LRRC43: variants seen among roughly 807,000 people sequenced by gnomAD.
LRRC43 encodes the protein leucine rich repeat containing 43, also known as leucine-rich repeat-containing protein 43.
Under a neutral mutation model 64.3 loss-of-function variants are expected in LRRC43, and 62 were observed. The observed-to-expected ratio is 0.96, with a 90% CI of 0.79 to 1.19. LRRC43 has a LOEUF of 1.19. Among genes scored for constraint, LRRC43 ranks in the 50% most tolerant of loss-of-function variants. LRRC43 has a pLI of 0.00. For synonymous variants in LRRC43, 422 were observed against 382.3 expected (o/e 1.10, Z -1.21); for missense variants, 868 against 845.0 (o/e 1.03, Z -0.34).
chr12:122,186,146 T>C, intron 2 of LRRC43, 44 bp from the exon 3 acceptor site: 1 of 1,110,090 alleles, frequency 9.0e-7, no homozygotes, highest in South Asian at 1.3e-5. Context: ...GTGCCCGTGC[T>C]CCCTCTCCTG....
chr12:122,186,310 C>T lies in LRRC43; in HGVS notation c.522+10C>T. 1 of 1,555,974 alleles carries T rather than the reference C, an allele frequency of 6.4e-7. No homozygotes were observed. On this transcript the variant is annotated intron_variant, in intron 3 of 11. Transcript: ENST00000339777. The stretch of plus-strand genomic sequence containing the variant: ...GCCCCCCACACTCAAGGTGAAGGAG[C>T]CCCGGTCTGTGTTGAGTATTTGGGC...
rs371459205 is a variant in LRRC43 at position 122,169,001 on chromosome 12, TCA to T, written c.-406+1222_-406+1223del. ...GGACTGGGATGGTGGTTTTGGAAGA[TCA>T]CAGAGAAGTGAGGGAGGTACCTTCT... is the stretch of plus-strand genomic sequence containing the variant. On this transcript the variant is annotated intron_variant, in intron 1 of 5. Coordinates refer to the LRRC43 transcript ENST00000537729. 4.6e-4 allele frequency among the ~76,000 whole-genome samples: 70 copies of T among 152,284 alleles called. No homozygotes were observed. In the East Asian group the frequency reaches 0.013, roughly 29 times the overall value.
chr12:122,183,888 C>CT lies in LRRC43; in HGVS notation c.150+595dup, dbSNP rs575734652. Among the ~76,000 whole-genome samples, 348 of 151,904 alleles carry CT rather than the reference C, an allele frequency of 2.3e-3. 3 individuals are homozygous for CT. The highest frequency in any genetic ancestry group is 7.9e-3 in the African/African-American group (328 of 41,420). On this transcript the variant is annotated intron_variant, in intron 1 of 11. Transcript: ENST00000339777. ...CCCAAGTAGCAGGGATTACAGGCAC[C>CT]TGCCACCATGCCCGGCTAATTATTG...
intron 1 of LRRC43, among the ~76,000 whole-genome samples, chr12:122,183,898 G>A (rs1953610478): frequency 6.6e-6 from 1 of 152,040 alleles, no homozygotes; most frequent in Non-Finnish European, 1.5e-5. Context: ...CTGCCACCAT[G>A]CCCGGCTAAT....
chr12:122,195,399 C>T (rs1278488796), intron 7 of LRRC43, among the ~76,000 whole-genome samples: 1 of 152,062 alleles, frequency 6.6e-6, no homozygotes, highest in Non-Finnish European at 1.5e-5. Context: ...CAGGCACCTA[C>T]TACCATGCCC....
At chr12:122,185,686 CAGA>C (rs1953635389) in intron 2 of LRRC43, among the ~76,000 whole-genome samples, 1 of 152,196 alleles carries the variant, frequency 6.6e-6, no homozygotes, top group Non-Finnish European at 1.5e-5. Context: ...AGTTTCAGTG[CAGA>C]AGGTTTCGTG....
intron 1 of LRRC43, among the ~76,000 whole-genome samples, chr12:122,168,402 T>C (rs1382114760): frequency 6.6e-6 from 1 of 151,298 alleles, no homozygotes; most frequent in African/African-American, 2.4e-5. Flanking sequence ...GATTGCATCA[T>C]TGCACTCTAA....
chr12:122,169,165 C>T (rs1400794305), intron 1 of LRRC43, among the ~76,000 whole-genome samples: 1 of 152,178 alleles, frequency 6.6e-6, no homozygotes, highest in Non-Finnish European at 1.5e-5. Context: ...CACCAAGTCC[C>T]ACCCGCCTTC....
rs1455241719 is a variant in LRRC43 at position 122,173,748 on chromosome 12, GC to G, written c.-406+5969del. On this transcript the variant is annotated intron_variant, in intron 1 of 5. Coordinates refer to the LRRC43 transcript ENST00000537729. Reference sequence around the variant, plus strand: ...CCCATCCCTTCCTGGCATAGCTACAGCCCTGGTTTCAGGTCCGGAGAGAGGA... The same window carrying G: ...CCCATCCCTTCCTGGCATAGCTACAGCCTGGTTTCAGGTCCGGAGAGAGGA... The G allele has an allele frequency of 7.5e-6, 8 of 1,070,282 alleles. No individual in the cohort carries two copies. In the African/African-American group the frequency reaches 1.3e-4, roughly 17 times the overall value. The allele number at this position is 1,070,282 out of a possible 1,614,324, so 66.3% of individuals were successfully genotyped here.
intron 1 of LRRC43, chr12:122,172,779 A>G: frequency 1.3e-6 from 2 of 1,499,190 alleles, no homozygotes; most frequent in African/African-American, 2.8e-5. Flanking sequence ...TTGGGTTTGC[A>G]ATGACAGCTG....
At chr12:122,191,352 C>T (rs1400956929) in intron 5 of LRRC43, 28 bp from the exon 6 acceptor site, 10 of 1,586,474 alleles carry the variant, frequency 6.3e-6, no homozygotes, top group Non-Finnish European at 8.6e-6. Context: ...TCCATGGGCC[C>T]CCCTGTCCTG....
In LRRC43 at chr12:122,200,484, CAGCCCGCCTG is replaced by C. The variant is rs1260788484; in HGVS notation, c.1492-47_1492-38del. The C allele has an allele frequency of 6.2e-7, 1 of 1,613,340 alleles. No homozygotes were observed. The highest frequency in any genetic ancestry group is 1.7e-5 in the Admixed American group (1 of 60,020). On this transcript the variant is annotated intron_variant, in intron 8 of 11. Coordinates refer to ENST00000339777, the MANE Select transcript of LRRC43 (RefSeq NM_001098519.2). This position sits in a 1 kb window ranked among gnomAD's most constrained non-coding sequence, Gnocchi z 4.6. ...AGGGTGAGGGAGAGGTGACCCCAGGCAGCCCGCCTGGGCCTCTGCTCACTCGAGGATTCTC... is the reference window on the plus strand; with the variant it reads ...AGGGTGAGGGAGAGGTGACCCCAGGCGGCCTCTGCTCACTCGAGGATTCTC...
In LRRC43 at chr12:122,200,260, C is replaced by G. The variant is rs1953820029; in HGVS notation, c.1421C>G (p.Ser474Cys). The G allele has an allele frequency of 1.1e-5, 17 of 1,613,924 alleles. No individual in the cohort carries two copies. The Admixed American group carries it at 2.8e-4, about 27-fold the overall frequency. Residue 474 changes from serine (S) to cysteine (C), a missense_variant, in exon 8 of 12, where the codon TCT (serine) becomes TGT (cysteine). By Grantham distance (112) the Ser-to-Cys change is moderately radical (BLOSUM62 -1). Coordinates refer to ENST00000339777, the MANE Select transcript of LRRC43 (RefSeq NM_001098519.2). This position sits in a 1 kb window ranked among gnomAD's most constrained non-coding sequence, Gnocchi z 4.6. ...VIPCSYEMQH[S>C]LRDLVPLKAF... Reference sequence around the variant, plus strand: ...CCCTGCAGTTACGAGATGCAGCACTCTCTCAGGGACCTGGTCCCACTGAAG... The same window carrying G: ...CCCTGCAGTTACGAGATGCAGCACTGTCTCAGGGACCTGGTCCCACTGAAG...
chr12:122,189,571 C>T (rs1180486634), intron 4 of LRRC43: 3 of 446,544 alleles, frequency 6.7e-6, no homozygotes, highest in Non-Finnish European at 1.4e-5. Context: ...GGCCTTGGCC[C>T]GTGCTCTTTG....
intron 5 of LRRC43, 42 bp downstream of exon 5, chr12:122,190,410 C>A (rs769489309): frequency 1.3e-6 from 2 of 1,519,330 alleles, no homozygotes; most frequent in South Asian, 2.3e-5. Context: ...CATGTGACAC[C>A]CCAGCCTGCG....
In LRRC43 at chr12:122,188,629, C is replaced by T. The variant is rs373031601; in HGVS notation, c.662+789C>T. On this transcript the variant is annotated intron_variant, in intron 4 of 11. Coordinates refer to ENST00000339777, the MANE Select transcript of LRRC43 (RefSeq NM_001098519.2). ...CTAATTTTTGTATTTTTAGTAGAGACGGGGTTTCACCATGTTGGCCAGGAT... is the reference window on the plus strand; with the variant it reads ...CTAATTTTTGTATTTTTAGTAGAGATGGGGTTTCACCATGTTGGCCAGGAT... Among the ~76,000 whole-genome samples the T allele has an allele frequency of 5.9e-5, 9 of 151,806 alleles. No homozygotes were observed. In the East Asian group the frequency reaches 7.8e-4, roughly 13 times the overall value.
intron 1 of LRRC43, chr12:122,173,932 G>T: frequency 1.9e-6 from 3 of 1,614,116 alleles, no homozygotes; most frequent in South Asian, 2.2e-5. Flanking sequence ...GACGGGCAAC[G>T]TGTGGGAGGC....
In LRRC43 at chr12:122,183,249, G is replaced by C; in HGVS notation, c.105G>C (p.Leu35Phe). The C allele has an allele frequency of 6.4e-7, 1 of 1,569,892 alleles. No homozygotes were observed. The highest frequency in any genetic ancestry group is 1.1e-5 in the South Asian group (1 of 87,812). ...TGAGCGCGGCCGTGCGCGAGCACTT[G>C]CGGAAGCTGTGTCTGCGCGAGTTCC... The part of the protein sequence containing the change: ...GTVSAAVREH[L>F]RKLCLREFPC... The change falls in exon 1 of 12, where the codon TTG (leucine) becomes TTC (phenylalanine). Residue 35 changes from leucine to phenylalanine, a missense_variant. By Grantham distance (22) the Leu-to-Phe change is conservative (BLOSUM62 0). Transcript: ENST00000339777.
chr12:122,183,379 T>C, intron 1 of LRRC43, 85 bp downstream of exon 1: 1 of 1,326,436 alleles, frequency 7.5e-7, no homozygotes, highest in Non-Finnish European at 9.7e-7. Flanking sequence ...GGCTGGTCCC[T>C]GGGGCCTGGG....
Sources: gnomAD v4.1 joint callset for allele counts (sites outside exome capture counted in the v4.1 genomes callset) on GRCh38, gnomAD v4.1.1 for gene constraint, Gnocchi (gnomAD v3.1) non-coding constraint, MANE v1.5 for transcripts, NCBI Gene and HGNC (gene_info 2026-07-23, HGNC 2026-07-21) for gene names.